Variants in WWOX observed in about 807,000 individuals in gnomAD.
WWOX encodes the protein WW domain containing oxidoreductase.
In WWOX, 69 loss-of-function variants were observed where a neutral mutation model predicts 46.2. The observed-to-expected ratio is 1.49, with a 90% CI of 1.23 to 1.82. The LOEUF is 1.82. Ranked by LOEUF, WWOX falls within the 40% of genes most tolerant of loss-of-function variation. The probability of loss-of-function intolerance (pLI) is 0.00; values close to 1 mark genes in which losing one functional copy is unlikely to be tolerated. For missense variants in WWOX, 919 were observed against 542.6 expected (o/e 1.69, Z -6.89); for synonymous variants, 359 against 202.6 (o/e 1.77, Z -6.56).
At chr16:78,585,246 A>T (rs116327808) in intron 8 of WWOX, among the ~76,000 whole-genome samples, 1,830 of 152,314 alleles carry the variant, frequency 0.012, 38 homozygotes, top group African/African-American at 0.041. Flanking sequence ...CTCAGGCTGA[A>T]TGTTGATCTA....
chr16:79,048,349 C>A (rs779639281), intron 8 of WWOX, among the ~76,000 whole-genome samples: 3 of 152,048 alleles, frequency 2.0e-5, no homozygotes, highest in Admixed American at 2.0e-4. Context: ...TGCCGGTGCA[C>A]CTGGACTGCC....
intron 8 of WWOX, among the ~76,000 whole-genome samples, chr16:78,955,131 G>A (rs977281565): frequency 2.6e-5 from 4 of 152,046 alleles, no homozygotes; most frequent in Admixed American, 1.3e-4. Flanking sequence ...TTGAATTTTG[G>A]CCCACAGGAA....
At chr16:78,429,784 T>G (rs7193617) in intron 7 of WWOX, among the ~76,000 whole-genome samples, 27,077 of 152,158 alleles carry the variant, frequency 0.18, 3,259 homozygotes, top group African/African-American at 0.32. Context: ...CAATTCGATA[T>G]GATAGCTTTA....
chr16:78,924,564 T>C (rs2045455426), intron 8 of WWOX, among the ~76,000 whole-genome samples: 1 of 152,196 alleles, frequency 6.6e-6, no homozygotes, highest in South Asian at 2.1e-4. Context: ...ATCCTTCCAC[T>C]GTTGTTAGGA....
At position 78,579,650 on chromosome 16, in the gene WWOX, A is replaced by G. The variant is rs114630436; in HGVS notation, c.1056+146898A>G. Among the ~76,000 whole-genome samples, 1,172 of 152,310 alleles carry G rather than the reference A, an allele frequency of 7.7e-3. 19 individuals carry two copies. The highest frequency in any genetic ancestry group is 0.027 in the African/African-American group (1,104 of 41,560). On this transcript the variant is annotated intron_variant, in intron 8 of 8. Transcript: ENST00000566780. Reference sequence around the variant, plus strand: ...GGAGTGGGAAAGTTGAGGAAATGTAAGAGATCATCTCTGTCTCTATCACAT... The same window carrying G: ...GGAGTGGGAAAGTTGAGGAAATGTAGGAGATCATCTCTGTCTCTATCACAT...
intron 8 of WWOX, chr16:78,525,834 G>T (rs2043451845): frequency 1.0e-5 from 1 of 98,036 alleles, no homozygotes; most frequent in Admixed American, 1.4e-4. Flanking sequence ...TCAGAAAGAT[G>T]CACACTGCTT....
rs192841808 is a variant in WWOX at position 78,272,075 on chromosome 16, G to A, written c.516+107786G>A. On this transcript the variant is annotated intron_variant, in intron 5 of 8. Coordinates refer to ENST00000566780, the MANE Select transcript of WWOX (RefSeq NM_016373.4). ...TGGATGTTCCAATTTATGTATAGCC[G>A]CATAATACATTACCCCAAAACTTAG... Among the ~76,000 whole-genome samples the A allele has an allele frequency of 5.2e-3, 796 of 152,246 alleles. 6 individuals are homozygous for A. Among genetic ancestry groups the A allele is most frequent in the Non-Finnish European group, 8.6e-3 (582 of 68,010 alleles).
chr16:78,822,905 G>T (rs72801076), intron 8 of WWOX, among the ~76,000 whole-genome samples: 8,294 of 151,688 alleles, frequency 0.055, 214 homozygotes, highest in South Asian at 0.082. Context: ...ATCATAAAGG[G>T]GCTTGATAAA....
chr16:78,957,378 CCT>C (rs1382473438), intron 8 of WWOX, among the ~76,000 whole-genome samples: 11 of 152,214 alleles, frequency 7.2e-5, no homozygotes, highest in African/African-American at 1.4e-4. Context: ...TTCTTTTCCC[CCT>C]GTCTCTCTTT....
chr16:78,663,372 G>C (rs2047260890), intron 8 of WWOX, among the ~76,000 whole-genome samples: 1 of 152,018 alleles, frequency 6.6e-6, no homozygotes. Context: ...CCCTTGTATG[G>C]CCAAATAATA....
chr16:78,862,773 A>T (rs1000498144), intron 8 of WWOX, among the ~76,000 whole-genome samples: 4 of 152,090 alleles, frequency 2.6e-5, no homozygotes, highest in Non-Finnish European at 4.4e-5. Flanking sequence ...GGCCTTCAAC[A>T]GATTGTATGA....
At chr16:79,017,962 A>G (rs1470304392) in intron 8 of WWOX, among the ~76,000 whole-genome samples, 1 of 152,256 alleles carries the variant, frequency 6.6e-6, no homozygotes, top group Non-Finnish European at 1.5e-5. Flanking sequence ...ATAGAATAAA[A>G]TACACATTTG....
intron 1 of WWOX, among the ~76,000 whole-genome samples, chr16:78,100,976 A>T (rs1206327707): frequency 6.6e-6 from 1 of 151,924 alleles, no homozygotes. Flanking sequence ...ATGGATGTAA[A>T]TCTGATTTTC....
intron 8 of WWOX, among the ~76,000 whole-genome samples, chr16:78,790,861 A>T (rs984590030): frequency 6.6e-6 from 1 of 151,756 alleles, no homozygotes; most frequent in South Asian, 2.1e-4. Context: ...TCTACAAAAA[A>T]TACAAAAATT....
intron 8 of WWOX, among the ~76,000 whole-genome samples, chr16:78,577,490 A>C (rs1039377459): frequency 5.9e-5 from 9 of 152,188 alleles, no homozygotes; most frequent in African/African-American, 1.9e-4. Context: ...CCAGGAAGGA[A>C]GTTCATGCAG....
chr16:79,070,162 C>T (rs1377532961), intron 8 of WWOX, among the ~76,000 whole-genome samples: 4 of 152,132 alleles, frequency 2.6e-5, no homozygotes, highest in African/African-American at 7.2e-5. Flanking sequence ...CAAGGCAATG[C>T]AGGTCAGCTG....
At chr16:78,322,663 A>C (rs1201868362) in intron 5 of WWOX, among the ~76,000 whole-genome samples, 1 of 152,224 alleles carries the variant, frequency 6.6e-6, no homozygotes, top group African/African-American at 2.4e-5. Flanking sequence ...TCCAATGATT[A>C]CTTTGTTTTT....
chr16:78,250,659 C>T (rs2037960066), intron 5 of WWOX, among the ~76,000 whole-genome samples: 2 of 152,108 alleles, frequency 1.3e-5, no homozygotes, highest in Non-Finnish European at 2.9e-5. Context: ...TAGGAGGTTA[C>T]ATATAGGGGA....
At chr16:78,707,038 T>G (rs868746297) in intron 8 of WWOX, among the ~76,000 whole-genome samples, 1 of 152,222 alleles carries the variant, frequency 6.6e-6, no homozygotes, top group African/African-American at 2.4e-5. Flanking sequence ...AACCATGGAA[T>G]ATTTTAAGCA....
Sources: gnomAD v4.1 joint callset for allele counts (sites outside exome capture counted in the v4.1 genomes callset) on GRCh38, gnomAD v4.1.1 for gene constraint, MANE v1.5 for transcripts, NCBI Gene and HGNC (gene_info 2026-07-23, HGNC 2026-07-21) for gene names.